SPATA21: variants seen among roughly 807,000 people sequenced by gnomAD.
SPATA21 encodes the protein spermatogenesis associated 21, also known as spermatogenesis-associated protein 21.
In SPATA21, 47 loss-of-function variants were observed where a neutral mutation model predicts 54.8. The ratio of observed to expected loss-of-function variants is 0.86; its 90% CI spans 0.68 to 1.09. The LOEUF (loss-of-function observed/expected upper bound fraction) is 1.09. SPATA21 is among the 50% of genes least tolerant of loss of function. The pLI, the probability that SPATA21 is intolerant of heterozygous loss-of-function variation, is 0.00. For synonymous variants in SPATA21, 245 were observed against 235.3 expected (o/e 1.04, Z -0.38); for missense variants, 599 against 596.4 (o/e 1.00, Z -0.05).
chr1:16,428,033 T>C lies in SPATA21; in HGVS notation c.34+3305A>G, dbSNP rs1278744404. 2.0e-6 allele frequency: 3 copies of C among 1,538,052 alleles called. No individual in the cohort carries two copies. The highest frequency in any genetic ancestry group is 2.0e-5 in the Admixed American group (1 of 50,782). ...AACATGACCTGGACAGAGATATCCATGGCAGTGGCTTGAGGGCTGGCATTG... is the reference window on the plus strand; with the variant it reads ...AACATGACCTGGACAGAGATATCCACGGCAGTGGCTTGAGGGCTGGCATTG... On this transcript the variant is annotated intron_variant, in intron 3 of 12. Coordinates refer to ENST00000335496, the MANE Select transcript of SPATA21 (RefSeq NM_198546.1). This position sits in a 1 kb window ranked among gnomAD's most constrained non-coding sequence, Gnocchi z 4.3.
intron 7 of SPATA21, among the ~76,000 whole-genome samples, chr1:16,407,115 C>T (rs1303490119): frequency 6.6e-6 from 1 of 152,246 alleles, no homozygotes. Context: ...ACAATAGCCT[C>T]TGTTAGCCTG....
chr1:16,397,231 C>T (rs1023710871), downstream of SPATA21: 2 of 152,274 alleles, frequency 1.3e-5, no homozygotes, highest in Non-Finnish European at 2.9e-5. This position sits in a 1 kb window ranked among gnomAD's most constrained non-coding sequence, Gnocchi z 5.4. Context: ...GACTGGTCCT[C>T]CCACCTCCCT....
At chr1:16,410,758 G>A (rs1007761547) in intron 5 of SPATA21, 7 of 335,808 alleles carry the variant, frequency 2.1e-5, no homozygotes, top group Admixed American at 1.0e-4. Context: ...TGTTGCCCAG[G>A]CTGGTCTGGA....
chr1:16,402,990 A>G (rs920511807), intron 10 of SPATA21, among the ~76,000 whole-genome samples: 6 of 152,210 alleles, frequency 3.9e-5, no homozygotes, highest in Admixed American at 2.0e-4. Flanking sequence ...AAAGACAGGA[A>G]ATGGAGGCTC....
At chr1:16,430,010 C>G (rs1409091180) in intron 3 of SPATA21, among the ~76,000 whole-genome samples, 1 of 131,400 alleles carries the variant, frequency 7.6e-6, no homozygotes, top group African/African-American at 2.9e-5. Context: ...TCTAAAAATA[C>G]AAAAAAAATT....
chr1:16,400,709 A>G lies in SPATA21; in HGVS notation c.1174+11T>C. On this transcript the variant is annotated intron_variant, in intron 11 of 12. Transcript: ENST00000335496. ...AACCCTAGCCCATCCCACCCTGCCC[A>G]GGGCCCTCACCATAGTTCTGCTGCT... is the stretch of plus-strand genomic sequence containing the variant. 2 of 1,291,008 alleles carry G rather than the reference A, an allele frequency of 1.5e-6. No individual in the cohort carries two copies. The highest frequency in any genetic ancestry group is 1.1e-6 in the Non-Finnish European group (1 of 934,030). 80.0% of individuals were successfully genotyped at this position (1,291,008 alleles called of 1,614,324 possible).
intron 11 of SPATA21, among the ~76,000 whole-genome samples, chr1:16,400,032 GT>G (rs111714606): frequency 1.4e-4 from 20 of 145,738 alleles, no homozygotes; most frequent in Admixed American, 2.1e-4. Flanking sequence ...TTTCATTTTT[GT>G]TTTTTTTTTT....
chr1:16,427,541 A>C (rs939426552), intron 3 of SPATA21, among the ~76,000 whole-genome samples: 1 of 152,064 alleles, frequency 6.6e-6, no homozygotes, highest in Admixed American at 6.6e-5. Flanking sequence ...TCATTATTCT[A>C]TTAATTCAGT....
At chr1:16,398,948 C>T in intron 12 of SPATA21, 126 bp from the exon 13 acceptor site, 3 of 1,028,346 alleles carry the variant, frequency 2.9e-6, no homozygotes, top group Non-Finnish European at 4.2e-6. Flanking sequence ...AATGGTGGAA[C>T]CAGCAGTTGT....
intron 7 of SPATA21, among the ~76,000 whole-genome samples, chr1:16,406,485 TCTA>T (rs1303848925): frequency 2.0e-5 from 3 of 152,186 alleles, no homozygotes; most frequent in African/African-American, 7.2e-5. Context: ...GCTTACACCA[TCTA>T]CCCAGCACTT....
intron 3 of SPATA21, among the ~76,000 whole-genome samples, chr1:16,429,731 C>T (rs1320948429): frequency 6.6e-6 from 1 of 151,456 alleles, no homozygotes; most frequent in Non-Finnish European, 1.5e-5. Context: ...GCCTCGGCCT[C>T]CCAAAGTGCT....
At position 16,435,622 on chromosome 1, in the gene SPATA21, CT is replaced by C. The variant is rs565292770; in HGVS notation, c.-187+1505del. ...GTGAGCCACCATGCCCGGCCCCCCC[CT>C]TTTTTTTTTTTCAGACAGGGTCTTA... On this transcript the variant is annotated intron_variant, in intron 1 of 12. Coordinates refer to ENST00000335496, the MANE Select transcript of SPATA21 (RefSeq NM_198546.1). Among the ~76,000 whole-genome samples the C allele has an allele frequency of 1.1e-3, 159 of 144,582 alleles. 1 individual carries two copies. The highest frequency in any genetic ancestry group is 6.5e-3 in the East Asian group (32 of 4,890). The allele number at this position is 144,582 out of a possible 152,430, so 94.9% of individuals were successfully genotyped here.
chr1:16,421,886 G>T lies in SPATA21; in HGVS notation c.95+25C>A. The T allele has an allele frequency of 6.2e-7, 1 of 1,614,186 alleles. No individual in the cohort carries two copies. Among genetic ancestry groups the T allele is most frequent in the Non-Finnish European group, 8.5e-7 (1 of 1,180,020 alleles). Reference sequence around the variant, plus strand: ...AGAAGAGCATCCTTGTTGGGGGCAGGGGATGGCACTGGATGATGACTTACC... The same window carrying T: ...AGAAGAGCATCCTTGTTGGGGGCAGTGGATGGCACTGGATGATGACTTACC... On this transcript the variant is annotated intron_variant, in intron 4 of 12. Transcript: ENST00000335496. This position sits in a 1 kb window ranked among gnomAD's most constrained non-coding sequence, Gnocchi z 5.2.
intron 10 of SPATA21, among the ~76,000 whole-genome samples, chr1:16,402,036 T>G (rs1386124443): frequency 6.6e-6 from 1 of 152,076 alleles, no homozygotes; most frequent in Non-Finnish European, 1.5e-5. Flanking sequence ...AGTGGCCACT[T>G]TCACACAGGC....
Position 16,428,492 on chromosome 1 carries a change from C to T in SPATA21, c.34+2846G>A, listed in dbSNP as rs972245738. ...GCAACTTCCACCTGCTGGGTTCAAGCGATTCTTGTGCCTCAGCTTCCCGAG... is the reference window on the plus strand; with the variant it reads ...GCAACTTCCACCTGCTGGGTTCAAGTGATTCTTGTGCCTCAGCTTCCCGAG... On this transcript the variant is annotated intron_variant, in intron 3 of 12. Coordinates refer to ENST00000335496, the MANE Select transcript of SPATA21 (RefSeq NM_198546.1). This position sits in a 1 kb window ranked among gnomAD's most constrained non-coding sequence, Gnocchi z 4.3. Among the ~76,000 whole-genome samples the T allele has an allele frequency of 2.6e-5, 4 of 152,118 alleles. No individual in the cohort carries two copies. Among genetic ancestry groups the T allele is most frequent in the East Asian group, 1.9e-4 (1 of 5,146 alleles).
Position 16,409,831 on chromosome 1 carries a change from C to CG in SPATA21, c.356dup (p.Val120GlyfsTer112). 6.3e-7 allele frequency: 1 copy of CG among 1,598,952 alleles called. No individual in the cohort carries two copies. The highest frequency in any genetic ancestry group is 8.5e-7 in the Non-Finnish European group (1 of 1,173,396). Reference sequence around the variant, plus strand: ...GCAGGCTTGGAGCTGAGGTGGGCACCGGGGTCAGGGTCCTGGGCGACTTCT... The same window carrying CG: ...GCAGGCTTGGAGCTGAGGTGGGCACCGGGGGTCAGGGTCCTGGGCGACTTCT... On this transcript the variant is annotated frameshift_variant, in exon 6 of 13. Coordinates refer to ENST00000335496, the MANE Select transcript of SPATA21 (RefSeq NM_198546.1). LOFTEE classifies it high-confidence loss of function. The surrounding 1 kb of genome is among the most constrained non-coding windows in gnomAD (Gnocchi z 4.1).
At position 16,421,505 on chromosome 1, in the gene SPATA21, T is replaced by C. The variant is rs377371500; in HGVS notation, c.144+4A>G. 3 of 1,613,256 alleles carry C rather than the reference T, an allele frequency of 1.9e-6. No individual in the cohort carries two copies. Among genetic ancestry groups the C allele is most frequent in the Non-Finnish European group, 2.5e-6 (3 of 1,179,666 alleles). ...GTCCCCGTTCCCCCTATGGCCCTAC[T>C]TACTGGTGGAGGAAGAGGCCCCGGT... is the stretch of plus-strand genomic sequence containing the variant. On this transcript the variant is annotated splice_donor_region_variant and intron_variant, in intron 5 of 12. Transcript: ENST00000335496. This position sits in a 1 kb window ranked among gnomAD's most constrained non-coding sequence, Gnocchi z 5.2.
At chr1:16,403,488 T>TTATC (rs2085520718) in intron 10 of SPATA21, among the ~76,000 whole-genome samples, 1 of 105,850 alleles carries the variant, frequency 9.4e-6, no homozygotes, top group Non-Finnish European at 2.4e-5. Context: ...TTTTTCTTTT[T>TTATC]TTTCTTTTTT....
chr1:16,400,803 T>C lies in SPATA21; in HGVS notation c.1091A>G (p.Tyr364Cys), dbSNP rs1198362740. ...TGAGCTCTCTTCTTGCTGGGGGTTG[T>C]AGGGAAGCTTCTGCAACCGCAGCCG... ...VGRLRLQKLP[Y>C]NPQQEESSEV... Residue 364 changes from tyrosine to cysteine, a missense_variant, in exon 11 of 13, where the codon TAC (tyrosine) becomes TGC (cysteine). By Grantham distance (194) the Tyr-to-Cys change is radical (BLOSUM62 -2). Coordinates refer to ENST00000335496, the MANE Select transcript of SPATA21 (RefSeq NM_198546.1). 6.2e-7 allele frequency: 1 copy of C among 1,610,910 alleles called. No individual in the cohort carries two copies. The highest frequency in any genetic ancestry group is 2.2e-5 in the East Asian group (1 of 44,888).
Sources: gnomAD v4.1 joint callset for allele counts (sites outside exome capture counted in the v4.1 genomes callset) on GRCh38, gnomAD v4.1.1 for gene constraint, Gnocchi (gnomAD v3.1) non-coding constraint, MANE v1.5 for transcripts, NCBI Gene and HGNC (gene_info 2026-07-23, HGNC 2026-07-21) for gene names.